The following CLIP1 variants were observed in gnomAD, a reference collection of about 807,000 sequenced individuals.
CLIP1 encodes the protein CAP-Gly domain containing linker protein 1.
Under a neutral mutation model 161.6 loss-of-function variants are expected in CLIP1, and 66 were observed. The observed-to-expected ratio is 0.41, with a 90% confidence interval of 0.33 to 0.50. The LOEUF (loss-of-function observed/expected upper bound fraction) is 0.50. CLIP1 is among the 20% of genes least tolerant of loss of function. The pLI, the probability that CLIP1 is intolerant of heterozygous loss-of-function variation, is 0.27. For synonymous variants in CLIP1, 598 were observed against 626.2 expected, an observed-to-expected ratio of 0.96 and a Z score of 0.67; for missense variants, 1,376 against 1,702.0, an observed-to-expected ratio of 0.81 and a Z score of 3.37.
rs1222791344 is a variant in CLIP1, at chr12:122,272,750, C to T, written c.*125G>A. 1 of 771,308 alleles carries T rather than the reference C, an allele frequency of 1.3e-6. No individual in the cohort carries two copies. Among genetic ancestry groups the T allele is most frequent in the Non-Finnish European group, 2.2e-6 (1 of 461,358 alleles). The allele number at this position is 771,308 out of a possible 1,614,324, so 47.8% of individuals were successfully genotyped here. A position where few individuals can be genotyped will look rare whatever the true frequency, so the allele number is the denominator to read the frequency against. On this transcript the variant is annotated 3_prime_UTR_variant, in exon 26 of 26. Coordinates refer to ENST00000620786, the MANE Select transcript of CLIP1 (RefSeq NM_001247997.2). ...ATTTGTTGAAGATCAAAATATTTTC[C>T]TAGATTTGTTGACGGGGTTAAAAAA...
At chr12:122,315,912 ATT>A (rs1410463645) in intron 19 of CLIP1, among the ~76,000 whole-genome samples, 2 of 151,852 alleles carry the variant, frequency 1.3e-5, no homozygotes, top group African/African-American at 4.8e-5. Context: ...AAGTGCTGGG[ATT>A]ACAGGCATGA....
In CLIP1 at chr12:122,347,454, C is replaced by T; in HGVS notation, c.1427G>A (p.Arg476His). The T allele has an allele frequency of 1.9e-6, 3 of 1,613,486 alleles. No individual in the cohort carries two copies. Among genetic ancestry groups the T allele is most frequent in the South Asian group, 2.2e-5 (2 of 91,052 alleles). Reference sequence around the variant, plus strand: ...CAGGCTCTGTTCAAGCTCCTTAATGCGGGCATGCTCCAGTTTGGTCTGCGT... The same window carrying T: ...CAGGCTCTGTTCAAGCTCCTTAATGTGGGCATGCTCCAGTTTGGTCTGCGT... ...ENTQTKLEHA[R>H]IKELEQSLLF... Residue 476 changes from arginine to histidine, a missense_variant, in exon 10 of 26, where the codon CGC becomes CAC. Arg to His is a conservative substitution (Grantham distance 29). This residue lies in a region of CLIP1 where 948 missense variants were observed against 1,134.8 expected (regional missense o/e 0.84). Coordinates refer to ENST00000620786, the MANE Select transcript of CLIP1 (RefSeq NM_001247997.2).
chr12:122,338,880 T>C (rs1399852146), intron 11 of CLIP1, among the ~76,000 whole-genome samples: 1 of 152,222 alleles, frequency 6.6e-6, no homozygotes, highest in East Asian at 1.9e-4. Context: ...TGAGGAGATT[T>C]GAGAAAAATT....
At chr12:122,396,564 G>A (rs1229666926) in intron 1 of CLIP1, 2 of 151,968 alleles carry the variant, frequency 1.3e-5, no homozygotes, top group African/African-American at 2.4e-5. Flanking sequence ...TTAATGAACA[G>A]GTATAATTAA....
At chr12:122,336,153 G>T (rs2136299771) in intron 12 of CLIP1, among the ~76,000 whole-genome samples, 1 of 152,304 alleles carries the variant, frequency 6.6e-6, no homozygotes, top group South Asian at 2.1e-4. Context: ...TTCTGAGATG[G>T]AATAAACTGA....
Position 122,271,716 on chromosome 12 carries a change from T to C in CLIP1, c.*1159A>G, listed in dbSNP as rs1230546139. 2.6e-5 allele frequency: 4 copies of C among 152,658 alleles called. No homozygotes were observed. The highest frequency in any genetic ancestry group is 9.6e-5 in the African/African-American group (4 of 41,464). 9.5% of individuals were successfully genotyped at this position (152,658 alleles called of 1,614,324 possible). ...ATTCTAGAAGACATTCAAATGAAGATAAATAGATTCAAACTGGTCGATAAA... is the reference window on the plus strand; with the variant it reads ...ATTCTAGAAGACATTCAAATGAAGACAAATAGATTCAAACTGGTCGATAAA... On this transcript the variant is annotated 3_prime_UTR_variant, in exon 26 of 26. Coordinates refer to ENST00000620786, the MANE Select transcript of CLIP1 (RefSeq NM_001247997.2).
intron 4 of CLIP1, among the ~76,000 whole-genome samples, chr12:122,362,624 AG>A (rs1953908631): frequency 7.3e-6 from 1 of 137,564 alleles, no homozygotes. Flanking sequence ...CTGGCAACAG[AG>A]CAAGACTCCA....
At chr12:122,390,180 T>A (rs1404833711) in intron 1 of CLIP1, among the ~76,000 whole-genome samples, 1 of 134,084 alleles carries the variant, frequency 7.5e-6, no homozygotes, top group East Asian at 2.2e-4. Context: ...CAGATATATA[T>A]ATATATATAT....
chr12:122,395,056 A>C (rs1157596561), intron 1 of CLIP1, among the ~76,000 whole-genome samples: 1 of 152,228 alleles, frequency 6.6e-6, no homozygotes, highest in African/African-American at 2.4e-5. Context: ...TGGGTCATAA[A>C]GAATTTCTGC....
intron 13 of CLIP1, 41 bp from the exon 14 acceptor site, chr12:122,334,151 T>G: frequency 7.9e-7 from 1 of 1,267,724 alleles, no homozygotes; most frequent in Non-Finnish European, 1.1e-6. Context: ...TGTTTCATAT[T>G]TAATAAGCTA....
At chr12:122,314,290 C>CAA (rs35901280) in intron 19 of CLIP1, among the ~76,000 whole-genome samples, 87 of 99,042 alleles carry the variant, frequency 8.8e-4, no homozygotes, top group Non-Finnish European at 1.4e-3. Context: ...GACTCCATCT[C>CAA]AAAAAAAAAA....
intron 6 of CLIP1, 147 bp from the exon 7 acceptor site, chr12:122,354,703 T>C (rs1566160966): frequency 4.8e-6 from 3 of 620,362 alleles, no homozygotes; most frequent in Admixed American, 5.7e-5. Context: ...TTTTAATAGG[T>C]TATTCTCAAC....
At chr12:122,392,928 C>T (rs1593233255) in intron 1 of CLIP1, among the ~76,000 whole-genome samples, 1 of 151,866 alleles carries the variant, frequency 6.6e-6, no homozygotes, top group Non-Finnish European at 1.5e-5. Context: ...ACTACAGGCA[C>T]ACACCACCAC....
intron 17 of CLIP1, among the ~76,000 whole-genome samples, chr12:122,321,466 G>C (rs140709291): frequency 0.011 from 1,600 of 151,652 alleles, 39 homozygotes; most frequent in African/African-American, 0.031. Context: ...GGCTGGTCTC[G>C]AACTCCTGAC....
chr12:122,412,757 TA>T (rs1181882738), intron 1 of CLIP1, among the ~76,000 whole-genome samples: 2 of 152,180 alleles, frequency 1.3e-5, no homozygotes, highest in African/African-American at 4.8e-5. Flanking sequence ...TTTTTGTATC[TA>T]TGCAAATTTT....
chr12:122,285,228 CTTTT>C (rs56813970), intron 21 of CLIP1, among the ~76,000 whole-genome samples: 11 of 136,518 alleles, frequency 8.1e-5, no homozygotes, highest in East Asian at 2.2e-4. Context: ...GATACCAGTC[CTTTT>C]TTTTTTTTTT....
At chr12:122,302,481 C>T (rs1293814464) in intron 20 of CLIP1, among the ~76,000 whole-genome samples, 1 of 152,086 alleles carries the variant, frequency 6.6e-6, no homozygotes, top group African/African-American at 2.4e-5. Flanking sequence ...ACCAATTTTT[C>T]CCAATGGGTC....
chr12:122,349,319 C>T (rs1952905948), intron 9 of CLIP1, among the ~76,000 whole-genome samples: 1 of 152,350 alleles, frequency 6.6e-6, no homozygotes, highest in African/African-American at 2.4e-5. Flanking sequence ...TTAATGTGAT[C>T]TCCTCCCCAT....
chr12:122,380,849 G>T (rs1181854218), intron 1 of CLIP1, among the ~76,000 whole-genome samples: 1 of 152,014 alleles, frequency 6.6e-6, no homozygotes, highest in Non-Finnish European at 1.5e-5. Context: ...TTTGAGGCCA[G>T]GAGTTCGAGA....
Sources: allele counts gnomAD v4.1 joint callset (sites outside exome capture counted in the v4.1 genomes callset), GRCh38; gene constraint gnomAD v4.1.1; regional missense constraint gnomAD v4.1.1; transcripts MANE v1.5; gene names NCBI Gene and HGNC (gene_info 2026-07-23, HGNC 2026-07-21).